NXPH1: variants seen among roughly 807,000 people sequenced by gnomAD.
NXPH1 encodes neurexophilin 1, also known as neurexophilin-1.
NXPH1 carries 5 observed loss-of-function variants against 23.7 expected under a neutral mutation model. That is an observed-to-expected ratio of 0.21 (90% confidence interval 0.11 to 0.44). The LOEUF is 0.44. Among genes scored for constraint, NXPH1 ranks in the 20% least tolerant of loss-of-function variants. The pLI is 0.99. For missense variants in NXPH1, 324 were observed against 321.6 expected, an observed-to-expected ratio of 1.01 and a Z score of -0.06; for synonymous variants, 144 against 122.2, an observed-to-expected ratio of 1.18 and a Z score of -1.18.
At chr7:8,659,839 T>TA (rs1583218411) in intron 2 of NXPH1, among the ~76,000 whole-genome samples, 2 of 152,356 alleles carry the variant, frequency 1.3e-5, no homozygotes, top group Admixed American at 1.3e-4. Context: ...ACTGTGCACT[T>TA]AGTCACCTGA....
At chr7:8,605,393 A>G (rs1819462806) in intron 2 of NXPH1, among the ~76,000 whole-genome samples, 1 of 152,128 alleles carries the variant, frequency 6.6e-6, no homozygotes, top group Admixed American at 6.6e-5. Context: ...AATATACTCA[A>G]AGGGACCAGA....
chr7:8,712,017 G>A (rs1779804253), intron 2 of NXPH1, among the ~76,000 whole-genome samples: 1 of 152,172 alleles, frequency 6.6e-6, no homozygotes, highest in Admixed American at 6.5e-5. Context: ...TTCTTGATCA[G>A]CTTGGCTTTT....
At chr7:8,533,550 A>G (rs1441741316) in intron 2 of NXPH1, among the ~76,000 whole-genome samples, 1 of 152,148 alleles carries the variant, frequency 6.6e-6, no homozygotes, top group African/African-American at 2.4e-5. Flanking sequence ...TTAAAAACCA[A>G]TTGAAAATTT....
chr7:8,493,366 G>A (rs191699095), intron 2 of NXPH1, among the ~76,000 whole-genome samples: 7 of 152,096 alleles, frequency 4.6e-5, no homozygotes, highest in East Asian at 1.9e-4. Context: ...TCAGTACTTC[G>A]CTGGCATAGA....
At chr7:8,685,080 T>C (rs1821124726) in intron 2 of NXPH1, among the ~76,000 whole-genome samples, 1 of 152,180 alleles carries the variant, frequency 6.6e-6, no homozygotes, top group Admixed American at 6.5e-5. Context: ...CCAGTGGTCT[T>C]GGCTTCTGTC....
intron 2 of NXPH1, among the ~76,000 whole-genome samples, chr7:8,664,874 A>T (rs1296960257): frequency 6.6e-6 from 1 of 151,344 alleles, no homozygotes; most frequent in East Asian, 1.9e-4. Flanking sequence ...TTTTAATTAG[A>T]TTTTTTTTGC....
intron 2 of NXPH1, among the ~76,000 whole-genome samples, chr7:8,666,403 A>C (rs2115166045): frequency 6.6e-6 from 1 of 152,106 alleles, no homozygotes. Flanking sequence ...CATAATAAGA[A>C]ATCCTTTTAA....
intron 2 of NXPH1, among the ~76,000 whole-genome samples, chr7:8,537,076 C>A (rs918914116): frequency 2.0e-5 from 3 of 151,952 alleles, no homozygotes; most frequent in Non-Finnish European, 2.9e-5. Flanking sequence ...TAAACCTTTT[C>A]TCTCTGAATT....
intron 2 of NXPH1, among the ~76,000 whole-genome samples, chr7:8,453,513 A>C (rs980784075): frequency 6.6e-6 from 1 of 152,130 alleles, no homozygotes; most frequent in Non-Finnish European, 1.5e-5. Flanking sequence ...GCTCTTACTC[A>C]TGAGTTGTAA....
chr7:8,739,214 T>A (rs1780319855), intron 2 of NXPH1, among the ~76,000 whole-genome samples: 1 of 130,984 alleles, frequency 7.6e-6, no homozygotes, highest in African/African-American at 2.8e-5. Flanking sequence ...ACCCTGCAGC[T>A]AGCTCTTTGT....
At chr7:8,647,556 G>GT (rs1232431352) in intron 2 of NXPH1, among the ~76,000 whole-genome samples, 1 of 151,904 alleles carries the variant, frequency 6.6e-6, no homozygotes, top group East Asian at 1.9e-4. Context: ...GAGTGTGTTG[G>GT]TTTGTAATTG....
At chr7:8,602,390 C>CT (rs1819381289) in intron 2 of NXPH1, among the ~76,000 whole-genome samples, 1 of 152,064 alleles carries the variant, frequency 6.6e-6, no homozygotes, top group Non-Finnish European at 1.5e-5. Context: ...TCCTCATGGT[C>CT]TTTTGACTGT....
intron 2 of NXPH1, among the ~76,000 whole-genome samples, chr7:8,655,236 T>C (rs911076446): frequency 6.6e-6 from 1 of 151,976 alleles, no homozygotes; most frequent in African/African-American, 2.4e-5. Flanking sequence ...AATACAAAAA[T>C]TAGCTGGCCG....
intron 2 of NXPH1, among the ~76,000 whole-genome samples, chr7:8,576,675 A>G (rs908421895): frequency 3.3e-5 from 5 of 152,096 alleles, no homozygotes; most frequent in African/African-American, 1.2e-4. Flanking sequence ...AACAGACAGT[A>G]GAAAAAAAGG....
At chr7:8,571,470 A>G (rs1818646404) in intron 2 of NXPH1, among the ~76,000 whole-genome samples, 1 of 151,898 alleles carries the variant, frequency 6.6e-6, no homozygotes, top group Non-Finnish European at 1.5e-5. Context: ...ATTGCATATT[A>G]AGCAGCCTGT....
chr7:8,457,136 A>G (rs1242079598), intron 2 of NXPH1, among the ~76,000 whole-genome samples: 1 of 152,014 alleles, frequency 6.6e-6, no homozygotes, highest in Non-Finnish European at 1.5e-5. Context: ...GTGTTTTCAA[A>G]CTCTTTACCT....
At chr7:8,643,122 C>A (rs1205457889) in intron 2 of NXPH1, among the ~76,000 whole-genome samples, 1 of 152,046 alleles carries the variant, frequency 6.6e-6, no homozygotes, top group Non-Finnish European at 1.5e-5. Context: ...CTCAGTCTCC[C>A]AAAGTGCTGG....
At chr7:8,530,107 C>T (rs1462149678) in intron 2 of NXPH1, among the ~76,000 whole-genome samples, 2 of 152,126 alleles carry the variant, frequency 1.3e-5, no homozygotes, top group East Asian at 1.9e-4. Context: ...GCCCAGGACA[C>T]TTACCACGGG....
At chr7:8,534,820 G>A (rs1409485447) in intron 2 of NXPH1, among the ~76,000 whole-genome samples, 1 of 152,056 alleles carries the variant, frequency 6.6e-6, no homozygotes, top group Non-Finnish European at 1.5e-5. Flanking sequence ...TTTGCTCAAA[G>A]TTACTGGTAG....
Sources: gnomAD v4.1 joint callset for allele counts (sites outside exome capture counted in the v4.1 genomes callset) on GRCh38, gnomAD v4.1.1 for gene constraint, MANE v1.5 for transcripts, NCBI Gene and HGNC (gene_info 2026-07-23, HGNC 2026-07-21) for gene names.